The following AKAP7 variants were observed in gnomAD, a reference collection of about 807,000 sequenced individuals.
The protein encoded by AKAP7 is A-kinase anchoring protein 7.
Under a neutral mutation model 39.5 loss-of-function variants are expected in AKAP7, and 39 were observed. The ratio of observed to expected loss-of-function variants is 0.99; its 90% CI spans 0.76 to 1.29. AKAP7 has a LOEUF of 1.29. AKAP7 is among the 50% of genes most tolerant of loss of function. The probability of loss-of-function intolerance (pLI) is 0.00; values close to 1 mark genes in which losing one functional copy is unlikely to be tolerated. For synonymous variants in AKAP7, 140 were observed against 139.1 expected, an observed-to-expected ratio of 1.01 and a Z score of -0.05; for missense variants, 414 against 407.7, an observed-to-expected ratio of 1.02 and a Z score of -0.13.
intron 7 of AKAP7, chr6:131,253,075 T>C (rs1474681765): frequency 5.0e-6 from 8 of 1,613,688 alleles, no homozygotes; most frequent in Non-Finnish European, 4.2e-6. Flanking sequence ...CCTACAGAGA[T>C]ACAGCAAGGA....
At chr6:131,222,500 C>G (rs912874872) in intron 7 of AKAP7, among the ~76,000 whole-genome samples, 1 of 151,846 alleles carries the variant, frequency 6.6e-6, no homozygotes, top group Non-Finnish European at 1.5e-5. Flanking sequence ...GCACTCCAGC[C>G]TGGGTGACAA....
At chr6:131,236,625 C>CT (rs1448869900) in intron 7 of AKAP7, among the ~76,000 whole-genome samples, 1 of 152,076 alleles carries the variant, frequency 6.6e-6, no homozygotes, top group East Asian at 1.9e-4. Context: ...CTTCATGTCC[C>CT]TTGTAAGTTG....
chr6:131,148,215 A>T (rs1389047659), intron 2 of AKAP7, among the ~76,000 whole-genome samples: 2 of 152,232 alleles, frequency 1.3e-5, no homozygotes, highest in Admixed American at 1.3e-4. Flanking sequence ...AGGCCAGTCC[A>T]CAAAAGTCTA....
At chr6:131,202,208 C>T (rs1049793339) in intron 6 of AKAP7, among the ~76,000 whole-genome samples, 2 of 149,294 alleles carry the variant, frequency 1.3e-5, no homozygotes, top group Non-Finnish European at 3.0e-5. Flanking sequence ...GTGGCCATTC[C>T]TCAGGGATCT....
At chr6:131,195,248 C>A (rs548501637) in intron 5 of AKAP7, among the ~76,000 whole-genome samples, 1 of 151,950 alleles carries the variant, frequency 6.6e-6, no homozygotes, top group East Asian at 1.9e-4. Context: ...AATATTATAA[C>A]TCATTATTTT....
At chr6:131,234,499 T>C (rs2128307924) in intron 7 of AKAP7, among the ~76,000 whole-genome samples, 1 of 152,022 alleles carries the variant, frequency 6.6e-6, no homozygotes, top group Non-Finnish European at 1.5e-5. Flanking sequence ...GAAAGAGAGA[T>C]TTTCCAGGCC....
intron 7 of AKAP7, among the ~76,000 whole-genome samples, chr6:131,228,019 A>G (rs1255325412): frequency 1.3e-5 from 2 of 152,106 alleles, no homozygotes; most frequent in African/African-American, 2.4e-5. Flanking sequence ...GTCCCTTTTG[A>G]CTGAGGAGAC....
At chr6:131,132,895 T>C (rs951603010), upstream of AKAP7, among the ~76,000 whole-genome samples, 1 of 152,140 alleles carries the variant, frequency 6.6e-6, no homozygotes, top group Admixed American at 6.5e-5. Flanking sequence ...TTACATGGAG[T>C]AAAAATATGT....
chr6:131,175,587 AT>A (rs1429612223), intron 5 of AKAP7, among the ~76,000 whole-genome samples: 1 of 152,310 alleles, frequency 6.6e-6, no homozygotes, highest in Non-Finnish European at 1.5e-5. Flanking sequence ...TAAAGTCTAA[AT>A]TGATGAGCTT....
chr6:131,151,483 G>T lies in AKAP7; in HGVS notation c.151+6067G>T, dbSNP rs1255679474. On this transcript the variant is annotated intron_variant, in intron 2 of 7. Coordinates refer to ENST00000431975, the MANE Select transcript of AKAP7 (RefSeq NM_016377.4). ...TATATGGCCGGGTGTGGTGGCTCAC[G>T]CCTGTAATCCCAGCACTTTGGGAGG... 2.0e-5 allele frequency among the ~76,000 whole-genome samples: 3 copies of T among 151,170 alleles called. No individual in the cohort carries two copies. In the East Asian group the frequency reaches 5.9e-4, roughly 30 times the overall value.
At chr6:131,163,569 G>A (rs931984816) in intron 3 of AKAP7, among the ~76,000 whole-genome samples, 1 of 152,126 alleles carries the variant, frequency 6.6e-6, no homozygotes, top group South Asian at 2.1e-4. Context: ...AAAGAAAAAA[G>A]TATCCAGAAT....
In AKAP7 at chr6:131,236,872, C is replaced by T. The variant is rs1179581738; in HGVS notation, c.850+17064C>T. On this transcript the variant is annotated intron_variant, in intron 7 of 7. Transcript: ENST00000431975. ...GCAAACAGGGGCAATTTGATTTCCT[C>T]TTTTCCTAATTGAATACCCTTTATT... 4.6e-5 allele frequency among the ~76,000 whole-genome samples: 7 copies of T among 152,166 alleles called. No homozygotes were observed. In the South Asian group the frequency reaches 1.2e-3, roughly 27 times the overall value.
intron 7 of AKAP7, among the ~76,000 whole-genome samples, chr6:131,228,102 C>T (rs575121653): frequency 5.3e-5 from 8 of 152,294 alleles, no homozygotes; most frequent in Admixed American, 2.0e-4. Context: ...AGATGAGTTG[C>T]CCACATCTGG....
chr6:131,129,841 T>C, the AKAP7 span, among the ~76,000 whole-genome samples: 1 of 152,242 alleles, frequency 6.6e-6, no homozygotes, highest in Non-Finnish European at 1.5e-5. Flanking sequence ...GGCCGTGTCT[T>C]GTAGAACTGC....
chr6:131,250,410 T>A, intron 7 of AKAP7: 1 of 1,454,260 alleles, frequency 6.9e-7, no homozygotes, highest in East Asian at 2.4e-5. Flanking sequence ...TTCTCCTTTC[T>A]CTCCCCCGGC....
chr6:131,246,362 G>C (rs1307182693), intron 7 of AKAP7, among the ~76,000 whole-genome samples: 2 of 152,108 alleles, frequency 1.3e-5, no homozygotes, highest in African/African-American at 2.4e-5. Flanking sequence ...TTGGTCTGTA[G>C]CCAGGCCTGG....
intron 7 of AKAP7, among the ~76,000 whole-genome samples, chr6:131,262,537 G>A (rs1427555779): frequency 2.0e-5 from 3 of 151,830 alleles, no homozygotes; most frequent in East Asian, 1.9e-4. Flanking sequence ...TTAAAATGAT[G>A]TATTTTTCAC....
intron 7 of AKAP7, among the ~76,000 whole-genome samples, chr6:131,233,088 A>G (rs915272592): frequency 1.3e-5 from 2 of 151,946 alleles, no homozygotes; most frequent in African/African-American, 2.4e-5. Flanking sequence ...ACTTGGTTTA[A>G]TTTTTTTGAC....
At chr6:131,134,443 C>T (rs1049557558), upstream of AKAP7, among the ~76,000 whole-genome samples, 1 of 152,142 alleles carries the variant, frequency 6.6e-6, no homozygotes, top group Admixed American at 6.5e-5. Flanking sequence ...GTGGCATATT[C>T]TCATCCTCTT....
Sources: allele counts gnomAD v4.1 joint callset (sites outside exome capture counted in the v4.1 genomes callset), GRCh38; gene constraint gnomAD v4.1.1; transcripts MANE v1.5; gene names NCBI Gene and HGNC (gene_info 2026-07-23, HGNC 2026-07-21).